Variants in ADAM10 observed in about 807,000 individuals in gnomAD.
ADAM10 encodes the protein ADAM metallopeptidase domain 10, also known as disintegrin and metalloproteinase domain-containing protein 10.
In ADAM10, 17 loss-of-function variants were observed where a neutral mutation model predicts 90.1. The ratio of observed to expected loss-of-function variants is 0.19; its 90% CI spans 0.13 to 0.28. The LOEUF is 0.28. Among genes scored for constraint, ADAM10 ranks in the 10% least tolerant of loss-of-function variants. ADAM10 has a pLI of 1.00. For missense variants in ADAM10, 610 were observed against 914.3 expected, an observed-to-expected ratio of 0.67 and a Z score of 4.29; for synonymous variants, 310 against 298.6, an observed-to-expected ratio of 1.04 and a Z score of -0.40.
chr15:58,650,679 C>T (rs755358418), intron 5 of ADAM10, among the ~76,000 whole-genome samples: 1 of 152,152 alleles, frequency 6.6e-6, no homozygotes, highest in African/African-American at 2.4e-5. Context: ...TTTCTGAAAT[C>T]TTGGCCGCGT....
rs151175231 is a variant in ADAM10, at chr15:58,665,155, T to C, written c.527A>G (p.His176Arg). 3.0e-5 allele frequency: 48 copies of C among 1,613,580 alleles called. No homozygotes were observed. In the African/African-American group the frequency reaches 5.6e-4, roughly 19 times the overall value. ...TTTCCTCATTCTTTCAAATACTGAA[T>C]GATCTGCACAGCCCCCCTGAGGACC... is the stretch of plus-strand genomic sequence containing the variant. ...KYGPQGGCAD[H>R]SVFERMRKYQ... The change falls in exon 5 of 16, where the codon CAT becomes CGT. Residue 176 changes from histidine (H) to arginine (R), a missense_variant. His to Arg is a conservative substitution (Grantham distance 29). Around this residue, in one of 4 missense-constraint regions of ADAM10, gnomAD observed 310 missense variants for 362.4 expected, o/e 0.86. Transcript: ENST00000260408.
chr15:58,743,681 T>G (rs1298215050), intron 1 of ADAM10, among the ~76,000 whole-genome samples: 2 of 152,102 alleles, frequency 1.3e-5, no homozygotes, highest in East Asian at 3.9e-4. Context: ...CTCAGCTCAC[T>G]GCAACCTCCA....
intron 9 of ADAM10, among the ~76,000 whole-genome samples, chr15:58,630,965 G>A (rs1042200272): frequency 6.6e-6 from 1 of 152,110 alleles, no homozygotes. Flanking sequence ...CTTCCTGAAG[G>A]GTTGGAGGTG....
At chr15:58,670,903 T>C (rs888587549) in intron 4 of ADAM10, among the ~76,000 whole-genome samples, 4 of 152,158 alleles carry the variant, frequency 2.6e-5, no homozygotes, top group African/African-American at 9.7e-5. Flanking sequence ...TTAGAAGAGA[T>C]AAGAGATATT....
chr15:58,600,581 A>G (rs1195796901), intron 14 of ADAM10, among the ~76,000 whole-genome samples: 1 of 152,182 alleles, frequency 6.6e-6, no homozygotes, highest in Admixed American at 6.5e-5. Context: ...AGCAGCAGGC[A>G]AAGTTCATCC....
intron 1 of ADAM10, among the ~76,000 whole-genome samples, chr15:58,741,660 A>G (rs1050109040): frequency 6.6e-6 from 1 of 152,316 alleles, no homozygotes; most frequent in Non-Finnish European, 1.5e-5. Flanking sequence ...TGAGCCCTCT[A>G]TAAGTTTTGT....
At chr15:58,602,743 T>A (rs1451039265) in intron 14 of ADAM10, among the ~76,000 whole-genome samples, 4 of 152,032 alleles carry the variant, frequency 2.6e-5, no homozygotes, top group African/African-American at 7.2e-5. Context: ...TACAGAAGAG[T>A]CCCACAGACA....
Position 58,686,604 on chromosome 15 carries a change from G to C in ADAM10, c.207-4290C>G, listed in dbSNP as rs1421157369. 3.0e-6 allele frequency: 3 copies of C among 1,004,124 alleles called. No individual in the cohort carries two copies. In the East Asian group the frequency reaches 7.2e-5, roughly 24 times the overall value. 62.2% of individuals were successfully genotyped at this position (1,004,124 alleles called of 1,614,324 possible). A position where few individuals can be genotyped will look rare whatever the true frequency, so the allele number is the denominator to read the frequency against. Reference sequence around the variant, plus strand: ...AACCCCTTCTGGGAACCCAGATCCTGTGCTTTACTCTGAAGACTCTAAGAG... The same window carrying C: ...AACCCCTTCTGGGAACCCAGATCCTCTGCTTTACTCTGAAGACTCTAAGAG... On this transcript the variant is annotated intron_variant, in intron 2 of 15. Transcript: ENST00000260408.
chr15:58,612,803 G>A lies in ADAM10; in HGVS notation c.1512-812C>T, dbSNP rs1171003040. On this transcript the variant is annotated intron_variant, in intron 11 of 15. Coordinates refer to ENST00000260408, the MANE Select transcript of ADAM10 (RefSeq NM_001110.4). ...TATAATCCCAGCTACAGACTGGCCC[G>A]CTGGGCCCAAGGTGCTAGGGAGTAA... Among the ~76,000 whole-genome samples, 4 of 152,180 alleles carry A rather than the reference G, an allele frequency of 2.6e-5. No individual in the cohort carries two copies. In the East Asian group the frequency reaches 5.8e-4, roughly 22 times the overall value.
At chr15:58,659,431 A>G (rs1372427065) in intron 5 of ADAM10, among the ~76,000 whole-genome samples, 1 of 152,148 alleles carries the variant, frequency 6.6e-6, no homozygotes, top group African/African-American at 2.4e-5. Flanking sequence ...TTGAGTGCTG[A>G]AATTTGGCAA....
chr15:58,733,015 T>C (rs1311240688), intron 1 of ADAM10: 4 of 152,366 alleles, frequency 2.6e-5, no homozygotes, highest in Non-Finnish European at 5.9e-5. Context: ...AACTTCCACC[T>C]TGCTTGGCAC....
At chr15:58,707,817 C>A (rs191220263) in intron 2 of ADAM10, among the ~76,000 whole-genome samples, 1 of 152,302 alleles carries the variant, frequency 6.6e-6, no homozygotes, top group East Asian at 1.9e-4. Flanking sequence ...TGGCTCACAC[C>A]TGTAATCCTA....
At chr15:58,728,416 T>C (rs1318324728) in intron 1 of ADAM10, among the ~76,000 whole-genome samples, 1 of 152,138 alleles carries the variant, frequency 6.6e-6, no homozygotes, top group African/African-American at 2.4e-5. Context: ...ATGTAAACTA[T>C]ACCTCAATAA....
intron 4 of ADAM10, among the ~76,000 whole-genome samples, chr15:58,674,985 C>G (rs1897279252): frequency 1.3e-5 from 2 of 152,210 alleles, no homozygotes; most frequent in Non-Finnish European, 2.9e-5. Flanking sequence ...GTCAAGAGAT[C>G]AAGAGATCGA....
intron 2 of ADAM10, among the ~76,000 whole-genome samples, chr15:58,705,159 A>G (rs1302548991): frequency 6.6e-6 from 1 of 152,178 alleles, no homozygotes; most frequent in Non-Finnish European, 1.5e-5. Flanking sequence ...GTCCACTACT[A>G]TGTTTCTTTC....
chr15:58,640,707 T>C (rs1896396288), intron 8 of ADAM10, 70 bp downstream of exon 8: 2 of 1,454,016 alleles, frequency 1.4e-6, no homozygotes, highest in South Asian at 2.4e-5. Flanking sequence ...ACTTTGAAAA[T>C]TCAACATTCT....
chr15:58,723,996 C>G (rs1468236139), intron 1 of ADAM10, among the ~76,000 whole-genome samples: 1 of 151,752 alleles, frequency 6.6e-6, no homozygotes, highest in East Asian at 1.9e-4. Context: ...TATGGGAGGC[C>G]GAGGCAGGTG....
intron 2 of ADAM10, among the ~76,000 whole-genome samples, chr15:58,699,842 C>T (rs967773600): frequency 9.2e-5 from 14 of 152,100 alleles, no homozygotes; most frequent in South Asian, 2.1e-4. Flanking sequence ...CAGGAATAAG[C>T]GCTCACATAC....
chr15:58,634,850 T>A (rs184194018), intron 8 of ADAM10, among the ~76,000 whole-genome samples: 15 of 152,198 alleles, frequency 9.9e-5, no homozygotes, highest in Admixed American at 3.9e-4. Context: ...CTCCTCCCCT[T>A]CCCATTCTCC....
Sources: gnomAD v4.1 joint callset for allele counts (sites outside exome capture counted in the v4.1 genomes callset) on GRCh38, gnomAD v4.1.1 for gene constraint, gnomAD v4.1.1 regional missense constraint, MANE v1.5 for transcripts, NCBI Gene and HGNC (gene_info 2026-07-23, HGNC 2026-07-21) for gene names.